The following PCDH9 variants were observed in gnomAD, a reference collection of about 807,000 sequenced individuals.
PCDH9 encodes protocadherin 9.
In PCDH9, 24 loss-of-function variants were observed where a neutral mutation model predicts 70.6. That is an observed-to-expected ratio of 0.34 (90% confidence interval 0.25 to 0.48). The LOEUF (loss-of-function observed/expected upper bound fraction) is 0.48, where lower values mean the gene tolerates loss of function less well. Ranked by LOEUF, PCDH9 falls within the 20% of genes least tolerant of loss-of-function variation. PCDH9 has a pLI of 0.99. For missense variants in PCDH9, 1,281 were observed against 1,503.6 expected (o/e 0.85, Z 2.45); for synonymous variants, 562 against 558.5 (o/e 1.01, Z -0.09).
chr13:66,972,522 C>T (rs1019328272), intron 2 of PCDH9, among the ~76,000 whole-genome samples: 1 of 151,890 alleles, frequency 6.6e-6, no homozygotes, highest in East Asian at 1.9e-4. Flanking sequence ...TTCAGTCATT[C>T]CTCTCCTTAA....
At chr13:66,960,891 G>C (rs1402913863) in intron 2 of PCDH9, among the ~76,000 whole-genome samples, 1 of 151,980 alleles carries the variant, frequency 6.6e-6, no homozygotes, top group Non-Finnish European at 1.5e-5. Context: ...TTCTATTGAA[G>C]GTTAACCTGT....
At chr13:67,130,205 G>T (rs2087078579) in intron 2 of PCDH9, among the ~76,000 whole-genome samples, 1 of 152,110 alleles carries the variant, frequency 6.6e-6, no homozygotes, top group Non-Finnish European at 1.5e-5. Context: ...GGAGATAGAT[G>T]CAGTCACTTA....
intron 4 of PCDH9, among the ~76,000 whole-genome samples, chr13:66,331,405 G>C (rs992128661): frequency 6.6e-6 from 1 of 152,120 alleles, no homozygotes; most frequent in African/African-American, 2.4e-5. Flanking sequence ...ATGAGCGCCA[G>C]AGGAGAAGTA....
chr13:66,947,550 C>T (rs990269350), intron 2 of PCDH9, among the ~76,000 whole-genome samples: 4 of 151,998 alleles, frequency 2.6e-5, no homozygotes, highest in African/African-American at 9.7e-5. Flanking sequence ...CTTGCTACAA[C>T]TTATTTTACT....
At chr13:66,713,623 G>GTATATATATATATATATATATATATATA (rs762817724) in intron 3 of PCDH9, among the ~76,000 whole-genome samples, 11 of 93,008 alleles carry the variant, frequency 1.2e-4, no homozygotes, top group East Asian at 3.6e-4. Flanking sequence ...GTGTGTGTGT[G>GTATATATATATATATATATATATATATA]TGTATATATA....
chr13:67,100,103 T>A (rs770715327), intron 2 of PCDH9, among the ~76,000 whole-genome samples: 5 of 152,172 alleles, frequency 3.3e-5, no homozygotes, highest in Non-Finnish European at 5.9e-5. Flanking sequence ...GTTGACGTCT[T>A]CATTAAACAC....
At chr13:66,812,642 C>T (rs1287827318) in intron 3 of PCDH9, among the ~76,000 whole-genome samples, 1 of 152,132 alleles carries the variant, frequency 6.6e-6, no homozygotes, top group Non-Finnish European at 1.5e-5. Flanking sequence ...TAAAATAGAA[C>T]AAGGCAGAGT....
intron 2 of PCDH9, among the ~76,000 whole-genome samples, chr13:66,909,556 T>A (rs1370246783): frequency 6.6e-6 from 1 of 151,554 alleles, no homozygotes; most frequent in Non-Finnish European, 1.5e-5. Flanking sequence ...GATCACGAGG[T>A]CAGGAGATGG....
At chr13:66,856,867 G>A (rs984657704) in intron 3 of PCDH9, among the ~76,000 whole-genome samples, 2 of 151,886 alleles carry the variant, frequency 1.3e-5, no homozygotes, top group African/African-American at 4.8e-5. Flanking sequence ...CTAATAACCA[G>A]GTACAAGTCT....
chr13:66,854,955 G>T (rs934295775), intron 3 of PCDH9, among the ~76,000 whole-genome samples: 4 of 152,064 alleles, frequency 2.6e-5, no homozygotes, highest in African/African-American at 9.7e-5. Context: ...CAGCGTTTCA[G>T]AATTCACAAA....
At chr13:66,909,520 A>G (rs1182787799) in intron 2 of PCDH9, among the ~76,000 whole-genome samples, 2 of 152,160 alleles carry the variant, frequency 1.3e-5, no homozygotes, top group African/African-American at 2.4e-5. Context: ...CTGTAATCCC[A>G]GCACTTTGGG....
chr13:67,199,171 C>G (rs2138045976), intron 2 of PCDH9, among the ~76,000 whole-genome samples: 1 of 151,458 alleles, frequency 6.6e-6, no homozygotes, highest in South Asian at 2.1e-4. Flanking sequence ...TATTCTATAT[C>G]TAAGTGAATA....
chr13:66,460,040 T>A (rs905238571), intron 4 of PCDH9, among the ~76,000 whole-genome samples: 1 of 151,910 alleles, frequency 6.6e-6, no homozygotes, highest in Non-Finnish European at 1.5e-5. Context: ...CTGTATGGTA[T>A]CATTTGAAAA....
chr13:67,118,013 A>G (rs1414909497), intron 2 of PCDH9, among the ~76,000 whole-genome samples: 1 of 152,198 alleles, frequency 6.6e-6, no homozygotes, highest in Non-Finnish European at 1.5e-5. Context: ...AAATGACTTT[A>G]AAGTTTCAAT....
intron 4 of PCDH9, among the ~76,000 whole-genome samples, chr13:66,378,442 T>C (rs1796012314): frequency 6.6e-6 from 1 of 152,166 alleles, no homozygotes; most frequent in African/African-American, 2.4e-5. Context: ...TGTGTGTATG[T>C]GTTTAACTGT....
chr13:66,645,519 A>C (rs1478796703), intron 3 of PCDH9, among the ~76,000 whole-genome samples: 2 of 152,146 alleles, frequency 1.3e-5, no homozygotes, highest in African/African-American at 4.8e-5. Context: ...AAAGTAGCTA[A>C]ATTATGAGTC....
chr13:66,838,624 T>G (rs1429369817), intron 3 of PCDH9, among the ~76,000 whole-genome samples: 1 of 149,888 alleles, frequency 6.7e-6, no homozygotes, highest in African/African-American at 2.4e-5. Flanking sequence ...CATGAAAAAC[T>G]CTGGTACATA....
At chr13:66,489,075 C>A (rs1958991726) in intron 4 of PCDH9, among the ~76,000 whole-genome samples, 1 of 152,068 alleles carries the variant, frequency 6.6e-6, no homozygotes, top group African/African-American at 2.4e-5. Flanking sequence ...TAACAACTTG[C>A]AAAGTTTTCA....
chr13:66,364,122 T>C lies in PCDH9; in HGVS notation c.3341-59094A>G, dbSNP rs1374190968. 3.3e-5 allele frequency among the ~76,000 whole-genome samples: 5 copies of C among 151,700 alleles called. No individual in the cohort carries two copies. The South Asian group carries it at 8.3e-4, about 25-fold the overall frequency. On this transcript the variant is annotated intron_variant, in intron 4 of 4. Coordinates refer to ENST00000377865, the MANE Select transcript of PCDH9 (RefSeq NM_203487.3). ...GTGAGCCAAGACCACGCCATTGCAC[T>C]CCAGCATGAGCGACAAGAGCAAACC... is the stretch of plus-strand genomic sequence containing the variant.
Sources: gnomAD v4.1 joint callset for allele counts (sites outside exome capture counted in the v4.1 genomes callset) on GRCh38, gnomAD v4.1.1 for gene constraint, MANE v1.5 for transcripts, NCBI Gene and HGNC (gene_info 2026-07-23, HGNC 2026-07-21) for gene names.